Variants in COX10 observed in about 807,000 individuals in gnomAD.
The protein encoded by COX10 is protoheme IX farnesyltransferase, mitochondrial.
COX10 carries 27 observed loss-of-function variants against 37.3 expected under a neutral mutation model. That is an observed-to-expected ratio of 0.72 (90% CI 0.53 to 1.00). The LOEUF (loss-of-function observed/expected upper bound fraction) is 1.00. Ranked by LOEUF, COX10 falls within the 50% of genes least tolerant of loss-of-function variation. COX10 has a pLI of 0.00. For synonymous variants in COX10, 222 were observed against 229.1 expected (o/e 0.97, Z 0.28); for missense variants, 475 against 563.2 (o/e 0.84, Z 1.59).
chr17:14,206,639 G>A (rs955652435), intron 6 of COX10, among the ~76,000 whole-genome samples, 171 bp from the exon 7 acceptor site: 2 of 152,158 alleles, frequency 1.3e-5, no homozygotes, highest in Non-Finnish European at 2.9e-5. Context: ...CCAGCCTGAT[G>A]TAGGCACCTG....
intron 3 of COX10, among the ~76,000 whole-genome samples, chr17:14,079,090 G>A (rs1915221370): frequency 1.3e-5 from 2 of 152,198 alleles, no homozygotes; most frequent in African/African-American, 4.8e-5. Context: ...TTACTAGCCA[G>A]TGAGACTTTG....
At chr17:14,131,018 C>G (rs1301966892) in intron 4 of COX10, among the ~76,000 whole-genome samples, 1 of 152,106 alleles carries the variant, frequency 6.6e-6, no homozygotes, top group African/African-American at 2.4e-5. Context: ...CACCACTATT[C>G]CTAGCAGCAT....
At chr17:14,183,047 GA>G (rs1013740387) in intron 5 of COX10, among the ~76,000 whole-genome samples, 6 of 150,208 alleles carry the variant, frequency 4.0e-5, no homozygotes, top group Admixed American at 6.7e-5. Flanking sequence ...TTAAAAAGGA[GA>G]AAAAAATAAT....
chr17:14,132,466 C>T lies in COX10; in HGVS notation c.625-27411C>T, dbSNP rs370647440. 1.1e-3 allele frequency among the ~76,000 whole-genome samples: 172 copies of T among 152,012 alleles called. 4 individuals carry two copies. In the South Asian group the frequency reaches 0.034, roughly 30 times the overall value. On this transcript the variant is annotated intron_variant, in intron 4 of 6. Coordinates refer to ENST00000261643, the MANE Select transcript of COX10 (RefSeq NM_001303.4). ...CTTCCCTTGATTTTCTGCTTTATATCACTTTGCATTTATAAGCCCTTTACC... is the reference window on the plus strand; with the variant it reads ...CTTCCCTTGATTTTCTGCTTTATATTACTTTGCATTTATAAGCCCTTTACC...
At chr17:14,109,353 C>A (rs1915965001) in intron 4 of COX10, among the ~76,000 whole-genome samples, 1 of 152,108 alleles carries the variant, frequency 6.6e-6, no homozygotes, top group African/African-American at 2.4e-5. Flanking sequence ...ACATTTGATT[C>A]CCCTTTCCAG....
intron 4 of COX10, among the ~76,000 whole-genome samples, chr17:14,154,823 G>A (rs1260206634): frequency 6.6e-6 from 1 of 151,958 alleles, no homozygotes; most frequent in Non-Finnish European, 1.5e-5. Flanking sequence ...TTCAACCCCA[G>A]GGTCAGAAAC....
intron 1 of COX10, among the ~76,000 whole-genome samples, chr17:14,070,712 G>A (rs1915000161): frequency 6.6e-6 from 1 of 152,200 alleles, no homozygotes; most frequent in Admixed American, 6.5e-5. Context: ...ACCATCTGGT[G>A]ATGTTGACAC....
intron 5 of COX10, among the ~76,000 whole-genome samples, chr17:14,186,734 AG>A (rs1205124173): frequency 6.6e-5 from 10 of 152,164 alleles, no homozygotes; most frequent in African/African-American, 2.2e-4. Flanking sequence ...AGCTCCTCCC[AG>A]GTGATTGCAT....
At chr17:14,176,549 C>T (rs1176664929) in intron 5 of COX10, among the ~76,000 whole-genome samples, 1 of 152,138 alleles carries the variant, frequency 6.6e-6, no homozygotes, top group African/African-American at 2.4e-5. Flanking sequence ...CTTTTGTTCC[C>T]TCTTAATTTA....
chr17:14,096,483 T>C (rs1440343798), intron 3 of COX10, among the ~76,000 whole-genome samples: 1 of 143,670 alleles, frequency 7.0e-6, no homozygotes, highest in Non-Finnish European at 1.5e-5. Context: ...CAAGTCATCC[T>C]CCCACCTCAG....
At chr17:14,206,768 T>A (rs1906713579) in intron 6 of COX10, 42 bp from the exon 7 acceptor site, 1 of 1,611,772 alleles carries the variant, frequency 6.2e-7, no homozygotes, top group Non-Finnish European at 8.5e-7. Context: ...TCTCTGGTGA[T>A]GACTGCCTTT....
chr17:14,101,818 T>C (rs974035803), intron 3 of COX10, among the ~76,000 whole-genome samples: 1 of 152,216 alleles, frequency 6.6e-6, no homozygotes, highest in African/African-American at 2.4e-5. Flanking sequence ...ATTACAAATT[T>C]GGTATTTAGT....
chr17:14,155,830 C>T (rs1242727264), intron 4 of COX10, among the ~76,000 whole-genome samples: 1 of 152,154 alleles, frequency 6.6e-6, no homozygotes, highest in African/African-American at 2.4e-5. Context: ...GTTGCTTCCT[C>T]TTCATCTCCA....
At chr17:14,150,014 TA>T (rs965060508) in intron 4 of COX10, among the ~76,000 whole-genome samples, 1 of 152,134 alleles carries the variant, frequency 6.6e-6, no homozygotes, top group African/African-American at 2.4e-5. Context: ...CTCACGCCTG[TA>T]ATCCCAGCAC....
At chr17:14,096,508 A>G (rs115961858) in intron 3 of COX10, among the ~76,000 whole-genome samples, 3,664 of 150,522 alleles carry the variant, frequency 0.024, 131 homozygotes, top group African/African-American at 0.085. Context: ...TCAAGTAGCT[A>G]TGACTAAAGG....
intron 4 of COX10, among the ~76,000 whole-genome samples, chr17:14,140,901 T>C (rs1206612394): frequency 6.6e-6 from 1 of 152,122 alleles, no homozygotes; most frequent in African/African-American, 2.4e-5. Flanking sequence ...AGTCATCACG[T>C]TATGATAAAT....
At chr17:14,122,392 TACTC>T (rs1916249572) in intron 4 of COX10, among the ~76,000 whole-genome samples, 1 of 152,188 alleles carries the variant, frequency 6.6e-6, no homozygotes, top group Non-Finnish European at 1.5e-5. Flanking sequence ...AATGAGTTGA[TACTC>T]ACCATCTGTA....
rs540469512 is a variant in COX10 at position 14,152,448 on chromosome 17, A to G, written c.625-7429A>G. 1.8e-4 allele frequency among the ~76,000 whole-genome samples: 27 copies of G among 152,304 alleles called. No individual in the cohort carries two copies. In the South Asian group the frequency reaches 5.4e-3, roughly 30 times the overall value. On this transcript the variant is annotated intron_variant, in intron 4 of 6. Coordinates refer to ENST00000261643, the MANE Select transcript of COX10 (RefSeq NM_001303.4). ...CGCTACCATGATTCAGTTCTCTCCC[A>G]CCAGGTCCCTCCCACAACACGTGGA...
intron 6 of COX10, among the ~76,000 whole-genome samples, chr17:14,195,235 CATAGGTACCTTCT>C (rs937564962): frequency 6.6e-6 from 1 of 152,100 alleles, no homozygotes; most frequent in African/African-American, 2.4e-5. Flanking sequence ...AATGAGTGAA[CATAGGTACCTTCT>C]ATTTTACAGG....
Sources: allele counts gnomAD v4.1 joint callset (sites outside exome capture counted in the v4.1 genomes callset), GRCh38; gene constraint gnomAD v4.1.1; transcripts MANE v1.5; gene names NCBI Gene and HGNC (gene_info 2026-07-23, HGNC 2026-07-21).